Variants in CLYBL observed in about 807,000 individuals in gnomAD.
CLYBL encodes the protein citramalyl-CoA lyase, mitochondrial.
A neutral mutation model predicts 38.9 loss-of-function variants in CLYBL; 31 were observed. The ratio of observed to expected loss-of-function variants is 0.80; its 90% CI spans 0.60 to 1.08. The LOEUF (loss-of-function observed/expected upper bound fraction) is 1.08, where lower values mean the gene tolerates loss of function less well. CLYBL is among the 50% of genes least tolerant of loss of function. The pLI is 0.00. For missense variants in CLYBL, 434 were observed against 411.6 expected, an observed-to-expected ratio of 1.05 and a Z score of -0.47; for synonymous variants, 171 against 158.6, an observed-to-expected ratio of 1.08 and a Z score of -0.59.
At chr13:99,744,036 G>C (rs1354380694) in intron 1 of CLYBL, among the ~76,000 whole-genome samples, 1 of 139,170 alleles carries the variant, frequency 7.2e-6, no homozygotes, top group Non-Finnish European at 1.5e-5. Context: ...GCGGTGGCGC[G>C]ATATCAGCTC....
chr13:99,675,331 T>TATGTGTCTATACTTG (rs2047628490), intron 1 of CLYBL, among the ~76,000 whole-genome samples: 1 of 152,242 alleles, frequency 6.6e-6, no homozygotes, highest in African/African-American at 2.4e-5. Flanking sequence ...GTATATACTT[T>TATGTGTCTATACTTG]ATGTGTCTAT....
At chr13:99,863,163 T>C (rs1043621670) in intron 4 of CLYBL, 71 bp downstream of exon 4, 40 of 720,962 alleles carry the variant, frequency 5.5e-5, no homozygotes, top group Non-Finnish European at 8.8e-5. Context: ...TTGCTTTCAA[T>C]TTTAACATCT....
intron 7 of CLYBL, among the ~76,000 whole-genome samples, chr13:99,877,005 C>T (rs949943268): frequency 6.6e-6 from 1 of 152,188 alleles, no homozygotes; most frequent in African/African-American, 2.4e-5. Flanking sequence ...CCTCATCCCC[C>T]AGCCCTGCCC....
At chr13:99,702,646 A>C (rs533311298) in intron 1 of CLYBL, among the ~76,000 whole-genome samples, 7 of 152,214 alleles carry the variant, frequency 4.6e-5, no homozygotes, top group African/African-American at 1.4e-4. Flanking sequence ...AAAAAAAAAA[A>C]AAAACCTATT....
chr13:99,684,882 T>C (rs1463743863), intron 1 of CLYBL, among the ~76,000 whole-genome samples: 9 of 152,234 alleles, frequency 5.9e-5, no homozygotes, highest in Non-Finnish European at 1.0e-4. Flanking sequence ...AAAAACCTTC[T>C]TTTATAAAGA....
intron 1 of CLYBL, among the ~76,000 whole-genome samples, chr13:99,757,992 T>C (rs1327425258): frequency 1.3e-5 from 2 of 152,224 alleles, no homozygotes; most frequent in Non-Finnish European, 2.9e-5. Flanking sequence ...GGGCTCCAAA[T>C]CCTGCATTTC....
intron 7 of CLYBL, among the ~76,000 whole-genome samples, chr13:99,890,610 C>T (rs9517905): frequency 0.47 from 70,885 of 151,846 alleles, 18,310 homozygotes; most frequent in Non-Finnish European, 0.59. Flanking sequence ...GGAGTACAGG[C>T]GTGCACCACT....
At chr13:99,770,076 C>CTT (rs68172402) in intron 1 of CLYBL, among the ~76,000 whole-genome samples, 21 of 121,942 alleles carry the variant, frequency 1.7e-4, no homozygotes, top group Non-Finnish European at 2.8e-4. Flanking sequence ...TTTTTCTTTT[C>CTT]TTTCTTTTTT....
At chr13:99,810,907 T>C (rs146094956) in intron 2 of CLYBL, among the ~76,000 whole-genome samples, 34 of 152,276 alleles carry the variant, frequency 2.2e-4, no homozygotes, top group Non-Finnish European at 3.1e-4. Context: ...CATTCCAGTT[T>C]TCTAAGCAAA....
chr13:99,620,504 T>C (rs1449542135), intron 1 of CLYBL, among the ~76,000 whole-genome samples: 2 of 152,198 alleles, frequency 1.3e-5, no homozygotes, highest in Non-Finnish European at 2.9e-5. Context: ...TCACTGGGCA[T>C]GGTGGCTCAT....
intron 2 of CLYBL, among the ~76,000 whole-genome samples, chr13:99,784,449 C>CTCTTTTTTTT (rs71121010): frequency 0.16 from 8,077 of 50,722 alleles, 1,159 homozygotes; most frequent in Non-Finnish European, 0.25. Flanking sequence ...AAAATTCTCT[C>CTCTTTTTTTT]TTTTTTTTTT....
intron 2 of CLYBL, among the ~76,000 whole-genome samples, chr13:99,822,120 C>T (rs1338481697): frequency 1.3e-5 from 2 of 152,182 alleles, no homozygotes; most frequent in African/African-American, 4.8e-5. Flanking sequence ...ATAACTGTAC[C>T]CACATAAGTG....
chr13:99,754,581 G>T (rs1002058903), intron 1 of CLYBL, among the ~76,000 whole-genome samples: 7 of 150,928 alleles, frequency 4.6e-5, no homozygotes, highest in South Asian at 4.2e-4. Flanking sequence ...ATCTTTTTTT[G>T]TTGTTGTTGT....
chr13:99,758,322 G>A (rs986928251), intron 1 of CLYBL, among the ~76,000 whole-genome samples: 1 of 152,138 alleles, frequency 6.6e-6, no homozygotes, highest in Admixed American at 6.5e-5. Context: ...GCCCCCCTCT[G>A]GGATGGCATA....
At chr13:99,795,854 C>T (rs2050011958) in intron 2 of CLYBL, among the ~76,000 whole-genome samples, 1 of 152,242 alleles carries the variant, frequency 6.6e-6, no homozygotes, top group Middle Eastern at 3.4e-3. Flanking sequence ...CACCAATAGG[C>T]ATTCTGCTGA....
At chr13:99,750,317 A>G (rs1220837282) in intron 1 of CLYBL, among the ~76,000 whole-genome samples, 6 of 152,206 alleles carry the variant, frequency 3.9e-5, no homozygotes, top group African/African-American at 1.4e-4. Flanking sequence ...TTCAACCTTT[A>G]TCAGCCCTTA....
Position 99,700,468 on chromosome 13 carries a change from A to C in CLYBL, c.63-72356A>C, listed in dbSNP as rs570206955. Among the ~76,000 whole-genome samples, 27 of 152,262 alleles carry C rather than the reference A, an allele frequency of 1.8e-4. 1 individual carries two copies. The highest frequency in any genetic ancestry group is 6.5e-4 in the African/African-American group (27 of 41,562). The stretch of plus-strand genomic sequence containing the variant: ...TCAAAACAAAACAAAACAAAACAAC[A>C]GCACCAAGGAAGGCGCTAAATGGCT... On this transcript the variant is annotated intron_variant, in intron 1 of 8. Coordinates refer to ENST00000339105, the MANE Select transcript of CLYBL (RefSeq NM_206808.5).
rs558803577 is a variant in CLYBL at position 99,630,890 on chromosome 13, A to G, written c.62+24133A>G. On this transcript the variant is annotated intron_variant, in intron 1 of 8. Coordinates refer to ENST00000339105, the MANE Select transcript of CLYBL (RefSeq NM_206808.5). ...TCAGGGAAGTTAAGTAATTTATCCA[A>G]ATTTACATGCCTACTAAGGGATGGA... 1.1e-3 allele frequency among the ~76,000 whole-genome samples: 172 copies of G among 152,272 alleles called. 1 individual carries two copies. The Middle Eastern group carries it at 0.02, about 18-fold the overall frequency.
At chr13:99,677,488 G>A (rs1594115082) in intron 1 of CLYBL, among the ~76,000 whole-genome samples, 1 of 151,922 alleles carries the variant, frequency 6.6e-6, no homozygotes, top group South Asian at 2.1e-4. Context: ...GTCTGTGTCT[G>A]TGTGTGTTTT....
Sources: allele counts gnomAD v4.1 joint callset (sites outside exome capture counted in the v4.1 genomes callset), GRCh38; gene constraint gnomAD v4.1.1; transcripts MANE v1.5; gene names NCBI Gene and HGNC (gene_info 2026-07-23, HGNC 2026-07-21).